TEP1: variants seen among roughly 807,000 people sequenced by gnomAD.
The protein encoded by TEP1 is telomerase associated protein 1, also known as telomerase protein component 1.
A neutral mutation model predicts 306.3 loss-of-function variants in TEP1; 241 were observed. That is an observed-to-expected ratio of 0.79 (90% CI 0.71 to 0.88). TEP1 has a LOEUF of 0.88. Ranked by LOEUF, TEP1 falls within the 40% of genes least tolerant of loss-of-function variation. The probability of loss-of-function intolerance (pLI) is 0.00; values close to 1 mark genes in which losing one functional copy is unlikely to be tolerated. For missense variants in TEP1, 3,051 were observed against 3,276.1 expected (o/e 0.93, Z 1.68); for synonymous variants, 1,289 against 1,305.5 (o/e 0.99, Z 0.27).
At chr14:20,369,647 T>C (rs752049484) in intron 52 of TEP1, 27 bp downstream of exon 52, 18 of 1,612,964 alleles carry the variant, frequency 1.1e-5, no homozygotes, top group Non-Finnish European at 1.5e-5. Context: ...ATCTCCCGGC[T>C]CCTCAGGTCC....
In TEP1 at chr14:20,390,644, G is replaced by T. The variant is rs145462743; in HGVS notation, c.2334+37C>A. ...ATATATCAGTTGCAGAGGAAAATGT[G>T]GGGGAGGGAGAGGGTTTCTCAGGGA... On this transcript the variant is annotated intron_variant, in intron 15 of 54. Transcript: ENST00000262715. 437 of 1,589,464 alleles carry T rather than the reference G, an allele frequency of 2.7e-4. 4 individuals carry two copies. The African/African-American group carries it at 5.3e-3, about 19-fold the overall frequency.
chr14:20,387,665 C>T (rs1280177282), intron 18 of TEP1, among the ~76,000 whole-genome samples: 1 of 152,254 alleles, frequency 6.6e-6, no homozygotes, highest in Non-Finnish European at 1.5e-5. Flanking sequence ...CCTGGCCATA[C>T]GGCCATGATG....
intron 18 of TEP1, 148 bp from the exon 19 acceptor site, chr14:20,386,771 T>C: frequency 1.2e-6 from 1 of 845,744 alleles, no homozygotes; most frequent in South Asian, 3.1e-5. Context: ...GAGAAGCACC[T>C]GCTAGTGGTC....
chr14:20,387,131 G>C (rs111675866), intron 18 of TEP1, among the ~76,000 whole-genome samples: 2 of 150,774 alleles, frequency 1.3e-5, no homozygotes, highest in Non-Finnish European at 3.0e-5. Flanking sequence ...ACAGGGTTTA[G>C]TCATGTTGGA....
chr14:20,368,735 A>T lies in TEP1; in HGVS notation c.7761+63T>A, dbSNP rs192553922. Reference sequence around the variant, plus strand: ...TACTCTAAGTTTGCTGTCTTGTGACATCCCTTTGGGATAGGTGTGCAGGCG... The same window carrying T: ...TACTCTAAGTTTGCTGTCTTGTGACTTCCCTTTGGGATAGGTGTGCAGGCG... On this transcript the variant is annotated intron_variant, in intron 54 of 54. Coordinates refer to ENST00000262715, the MANE Select transcript of TEP1 (RefSeq NM_007110.5). 8.4e-6 allele frequency: 13 copies of T among 1,550,014 alleles called. No homozygotes were observed. In the Middle Eastern group the frequency reaches 7.5e-4, roughly 89 times the overall value.
intron 1 of TEP1, among the ~76,000 whole-genome samples, chr14:20,410,802 GTTTT>G (rs61662364): frequency 4.3e-3 from 109 of 25,218 alleles, no homozygotes; most frequent in Non-Finnish European, 8.0e-3. Flanking sequence ...CTCCTTTGTG[GTTTT>G]TTTTTTTTTT....
intron 11 of TEP1, 79 bp downstream of exon 11, chr14:20,395,780 G>T: frequency 2.0e-6 from 3 of 1,535,388 alleles, no homozygotes; most frequent in Non-Finnish European, 2.7e-6. Flanking sequence ...AAAGCAAGAG[G>T]CTAAAAATAT....
At chr14:20,382,495 A>T in intron 28 of TEP1, 128 bp downstream of exon 28, 1 of 1,524,840 alleles carries the variant, frequency 6.6e-7, no homozygotes, top group Non-Finnish European at 9.0e-7. Flanking sequence ...AAGTGAGGCG[A>T]GGTATGAGGC....
At position 20,381,766 on chromosome 14, in the gene TEP1, C is replaced by A; in HGVS notation, c.4425-80G>T. ...TCCTGGCACACAGTGGGCTCCTATT[C>A]CCCCCTCAAATAGCGGAAACTGGAG... On this transcript the variant is annotated intron_variant, in intron 30 of 54. Coordinates refer to ENST00000262715, the MANE Select transcript of TEP1 (RefSeq NM_007110.5). The surrounding 1 kb of genome is among the most constrained non-coding windows in gnomAD (Gnocchi z 4.0). 3 of 1,531,512 alleles carry A rather than the reference C, an allele frequency of 2.0e-6. No individual in the cohort carries two copies. Among genetic ancestry groups the A allele is most frequent in the Non-Finnish European group, 2.6e-6 (3 of 1,143,152 alleles). The allele number at this position is 1,531,512 out of a possible 1,614,324, so 94.9% of individuals were successfully genotyped here. A position where few individuals can be genotyped will look rare whatever the true frequency, so the allele number is the denominator to read the frequency against.
chr14:20,404,269 C>T lies in TEP1; in HGVS notation c.1032+342G>A, dbSNP rs1244818876. 7.3e-5 allele frequency among the ~76,000 whole-genome samples: 11 copies of T among 150,908 alleles called. No homozygotes were observed. In the South Asian group the frequency reaches 1.5e-3, roughly 20 times the overall value. Reference sequence around the variant, plus strand: ...ACTTGGGAGGCTGAGGAAGGAGAATCGCTTGAACCTGGGAGGCGGAGGTTG... The same window carrying T: ...ACTTGGGAGGCTGAGGAAGGAGAATTGCTTGAACCTGGGAGGCGGAGGTTG... On this transcript the variant is annotated intron_variant, in intron 5 of 54. Transcript: ENST00000262715.
At position 20,383,539 on chromosome 14, in the gene TEP1, C is replaced by T; in HGVS notation, c.3816G>A (p.Val1272=). 1 of 1,614,250 alleles carries T rather than the reference C, an allele frequency of 6.2e-7. No homozygotes were observed. Among genetic ancestry groups the T allele is most frequent in the Middle Eastern group, 1.6e-4 (1 of 6,062 alleles). The change falls in exon 26 of 55, where the codon GTG becomes GTA. Residue 1272 remains valine, a synonymous_variant. Transcript: ENST00000262715. ...CTGAAATCAGCTGCCCATTCTGGTC[C>T]ACTAACCTATCAGCCCCATCGATGA... ...VLIIDGADRL[V]DQNGQLISDW...
Position 20,401,477 on chromosome 14 carries a change from A to C in TEP1, c.1371T>G (p.Val457=). The change falls in exon 8 of 55, where the codon GTT becomes GTG. Residue 457 remains valine, a synonymous_variant. Coordinates refer to ENST00000262715, the MANE Select transcript of TEP1 (RefSeq NM_007110.5). ...RLHIHKPAQH[V]QALLGYRYPS... is the part of the protein sequence containing the mutation. ...CTCACCTGTAACCCAGCAGGGCTTG[A>C]ACGTGCTGGGCAGGCTTGTGGATGT... 6.2e-7 allele frequency: 1 copy of C among 1,614,184 alleles called. No individual in the cohort carries two copies. The highest frequency in any genetic ancestry group is 1.1e-5 in the South Asian group (1 of 91,078).
Position 20,383,834 on chromosome 14 carries a change from C to G in TEP1, c.3619G>C (p.Asp1207His), listed in dbSNP as rs143001671. The part of the protein sequence containing the change: ...VFFHFSGARP[D>H]QGLALTLLRR... ...AGCAGAGTGAGGGCAAGACCCTGGT[C>G]AGGACGAGCCCCAGAAAAGTGGAAG... The change falls in exon 25 of 55, where the codon GAC (aspartate) becomes CAC (histidine). Residue 1207 changes from aspartate to histidine, a missense_variant. Asp to His is a moderately conservative substitution (Grantham distance 81). Transcript: ENST00000262715. 1.2e-6 allele frequency: 2 copies of G among 1,606,210 alleles called. No homozygotes were observed. The highest frequency in any genetic ancestry group is 2.7e-5 in the African/African-American group (2 of 74,914).
Position 20,372,717 on chromosome 14 carries a change from C to T in TEP1, c.7076+16G>A. ...GACTGCTGTTTCTATCCCATTAACCCATCAGCCTGTTTCACCTCAAATTTC... is the reference window on the plus strand; with the variant it reads ...GACTGCTGTTTCTATCCCATTAACCTATCAGCCTGTTTCACCTCAAATTTC... On this transcript the variant is annotated intron_variant, in intron 49 of 54. Coordinates refer to ENST00000262715, the MANE Select transcript of TEP1 (RefSeq NM_007110.5). 1 of 1,614,014 alleles carries T rather than the reference C, an allele frequency of 6.2e-7. No individual in the cohort carries two copies. The highest frequency in any genetic ancestry group is 8.5e-7 in the Non-Finnish European group (1 of 1,179,998).
At chr14:20,383,072 A>T in intron 27 of TEP1, 102 bp downstream of exon 27, 1 of 1,300,000 alleles carries the variant, frequency 7.7e-7, no homozygotes, top group South Asian at 1.5e-5. Context: ...GAGAAAACAA[A>T]GGAGCAGGTC....
At chr14:20,377,876 C>CAGGGGCACCCCTCTCCCCGTGG (rs1885285497) in intron 39 of TEP1, 123 bp from the exon 40 acceptor site, 1 of 1,472,500 alleles carries the variant, frequency 6.8e-7, no homozygotes, top group Non-Finnish European at 9.3e-7. Flanking sequence ...AGAGCTGCCC[C>CAGGGGCACCCCTCTCCCCGTGG]TGCACACAGC....
At chr14:20,401,230 T>G (rs573813782) in intron 8 of TEP1, 89 bp from the exon 9 acceptor site, 1 of 1,490,404 alleles carries the variant, frequency 6.7e-7, no homozygotes, top group Admixed American at 2.2e-5. Flanking sequence ...TTACAGGGCA[T>G]GTCTGCCCAA....
At chr14:20,383,088 A>G in intron 27 of TEP1, 86 bp downstream of exon 27, 1 of 1,415,046 alleles carries the variant, frequency 7.1e-7, no homozygotes, top group South Asian at 1.4e-5. Context: ...AGGTCTGTGC[A>G]AGGCAGCTAG....
intron 9 of TEP1, among the ~76,000 whole-genome samples, chr14:20,400,266 G>T (rs1418675936): frequency 6.6e-6 from 1 of 151,224 alleles, no homozygotes; most frequent in Non-Finnish European, 1.5e-5. Context: ...GGGGGCAGGT[G>T]TGTGTGTGTA....
Sources: gnomAD v4.1 joint callset for allele counts (sites outside exome capture counted in the v4.1 genomes callset) on GRCh38, gnomAD v4.1.1 for gene constraint, Gnocchi (gnomAD v3.1) non-coding constraint, MANE v1.5 for transcripts, NCBI Gene and HGNC (gene_info 2026-07-23, HGNC 2026-07-21) for gene names.